The following EPHA7 variants were observed in gnomAD, a reference collection of about 807,000 sequenced individuals.
EPHA7 encodes the protein ephrin type-A receptor 7.
EPHA7 carries 25 observed loss-of-function variants against 112.6 expected under a neutral mutation model. The ratio of observed to expected loss-of-function variants is 0.22; its 90% CI spans 0.16 to 0.31. The LOEUF (loss-of-function observed/expected upper bound fraction) is 0.31. Ranked by LOEUF, EPHA7 falls within the 10% of genes least tolerant of loss-of-function variation. EPHA7 has a pLI of 1.00. For synonymous variants in EPHA7, 437 were observed against 406.5 expected (o/e 1.07, Z -0.90); for missense variants, 962 against 1,212.6 (o/e 0.79, Z 3.07).
At chr6:93,321,254 G>A (rs1774056031) in intron 5 of EPHA7, among the ~76,000 whole-genome samples, 1 of 151,906 alleles carries the variant, frequency 6.6e-6, no homozygotes, top group Admixed American at 6.6e-5. Flanking sequence ...TATTTGCATT[G>A]TAACAAGCAC....
At chr6:93,393,438 T>A (rs1311720040) in intron 3 of EPHA7, among the ~76,000 whole-genome samples, 1 of 151,524 alleles carries the variant, frequency 6.6e-6, no homozygotes, top group Non-Finnish European at 1.5e-5. Context: ...GAAGTTTCCA[T>A]CCAAAAAAAA....
chr6:93,305,873 G>A (rs2127856483), intron 5 of EPHA7, among the ~76,000 whole-genome samples: 1 of 151,912 alleles, frequency 6.6e-6, no homozygotes, highest in African/African-American at 2.4e-5. Flanking sequence ...AGATATAATA[G>A]TATTTTATAT....
At chr6:93,293,083 A>G (rs1772466764) in intron 5 of EPHA7, among the ~76,000 whole-genome samples, 3 of 152,018 alleles carry the variant, frequency 2.0e-5, no homozygotes, top group Admixed American at 2.0e-4. Flanking sequence ...TAAGTTAAAG[A>G]TTTTTTAAAA....
chr6:93,266,455 T>C (rs1223986794), intron 7 of EPHA7, among the ~76,000 whole-genome samples: 1 of 151,726 alleles, frequency 6.6e-6, no homozygotes, highest in Non-Finnish European at 1.5e-5. Flanking sequence ...TTGTATATTG[T>C]CAGGGTCGTA....
intron 5 of EPHA7, among the ~76,000 whole-genome samples, chr6:93,282,414 G>A (rs1463795554): frequency 2.0e-5 from 3 of 152,174 alleles, no homozygotes; most frequent in Admixed American, 1.3e-4. Flanking sequence ...GATTACAACC[G>A]AAGTTTTAAA....
chr6:93,324,156 A>C (rs1223631126), intron 5 of EPHA7, among the ~76,000 whole-genome samples: 2 of 151,434 alleles, frequency 1.3e-5, no homozygotes, highest in Admixed American at 1.3e-4. Flanking sequence ...ATTACTGTTA[A>C]TGGATAGACT....
intron 3 of EPHA7, among the ~76,000 whole-genome samples, chr6:93,405,813 G>GTGTATATATATATATA (rs1357089640): frequency 2.7e-5 from 2 of 73,984 alleles, no homozygotes; most frequent in South Asian, 6.1e-4. Flanking sequence ...GTGTGTGTGT[G>GTGTATATATATATATA]TATATATATA....
chr6:93,291,031 C>T (rs1357318516), intron 5 of EPHA7, among the ~76,000 whole-genome samples: 1 of 152,134 alleles, frequency 6.6e-6, no homozygotes, highest in African/African-American at 2.4e-5. Flanking sequence ...ATTTGCAAAT[C>T]ACTGACCAAG....
chr6:93,293,195 TATTC>T (rs1169689343), intron 5 of EPHA7, among the ~76,000 whole-genome samples: 1 of 151,660 alleles, frequency 6.6e-6, no homozygotes, highest in African/African-American at 2.4e-5. Context: ...AATTTTTTGT[TATTC>T]ATAATTTAGT....
At chr6:93,300,069 CCT>C (rs1289147712) in intron 5 of EPHA7, among the ~76,000 whole-genome samples, 1 of 152,016 alleles carries the variant, frequency 6.6e-6, no homozygotes, top group Admixed American at 6.6e-5. Flanking sequence ...ACAACAAACC[CCT>C]GTCACACACG....
intron 5 of EPHA7, among the ~76,000 whole-genome samples, chr6:93,325,868 A>G (rs889824195): frequency 1.3e-5 from 2 of 151,408 alleles, no homozygotes; most frequent in Admixed American, 1.3e-4. Context: ...GCCAAGAAAA[A>G]TGGTTATCAT....
At chr6:93,311,325 C>T (rs1481597743) in intron 5 of EPHA7, among the ~76,000 whole-genome samples, 10 of 151,906 alleles carry the variant, frequency 6.6e-5, no homozygotes, top group African/African-American at 2.4e-4. Flanking sequence ...CTTCTCAAAC[C>T]TTGCCACTGC....
intron 3 of EPHA7, among the ~76,000 whole-genome samples, chr6:93,377,964 C>T (rs1366220891): frequency 3.3e-5 from 5 of 152,034 alleles, no homozygotes; most frequent in African/African-American, 9.7e-5. Flanking sequence ...CCCTCATAGA[C>T]CTCTCAGTTT....
Position 93,410,950 on chromosome 6 carries a change from T to C in EPHA7, c.383A>G (p.Tyr128Cys). 6.2e-7 allele frequency: 1 copy of C among 1,614,052 alleles called. No homozygotes were observed. Among genetic ancestry groups the C allele is most frequent in the South Asian group, 1.1e-5 (1 of 91,078 alleles). ...TCKETFNLYY[Y>C]ETDYDTGRNI... Reference sequence around the variant, plus strand: ...CCTGCCAGTGTCATAGTCTGTTTCATAATAGTACAAATTAAATGTTTCCTT... The same window carrying C: ...CCTGCCAGTGTCATAGTCTGTTTCACAATAGTACAAATTAAATGTTTCCTT... Residue 128 changes from tyrosine (Y) to cysteine (C), a missense_variant, in exon 3 of 17, where the codon TAT becomes TGT. Physicochemically the swap from Tyr to Cys is radical, Grantham distance 194. Coordinates refer to ENST00000369303, the MANE Select transcript of EPHA7 (RefSeq NM_004440.4). This position sits in a 1 kb window ranked among gnomAD's most constrained non-coding sequence, Gnocchi z 4.0.
intron 1 of EPHA7, among the ~76,000 whole-genome samples, chr6:93,415,107 A>C (rs551276849): frequency 6.6e-6 from 1 of 152,150 alleles, no homozygotes; most frequent in East Asian, 1.9e-4. Flanking sequence ...GAGCTGTTCA[A>C]ATTTGTCAAA....
chr6:93,305,149 G>A (rs556244122), intron 5 of EPHA7, among the ~76,000 whole-genome samples: 1 of 150,654 alleles, frequency 6.6e-6, no homozygotes, highest in Non-Finnish European at 1.5e-5. Flanking sequence ...ATTACTTCCT[G>A]GTACAAAATA....
At chr6:93,398,352 C>T (rs971131225) in intron 3 of EPHA7, among the ~76,000 whole-genome samples, 1 of 151,908 alleles carries the variant, frequency 6.6e-6, no homozygotes, top group Non-Finnish European at 1.5e-5. Flanking sequence ...AAGTCACCGT[C>T]CAAATGTTAC....
In EPHA7 at chr6:93,387,924, C is replaced by CAGACAGATAGAT. The variant is rs1310430859; in HGVS notation, c.832+22576_832+22577insATCTATCTGTCT. On this transcript the variant is annotated intron_variant, in intron 3 of 16. Transcript: ENST00000369303. ...AGCCAGACCATCTTAGATAGATAGACAGATAGATAGATAGATAGATAGATA... is the reference window on the plus strand; with the variant it reads ...AGCCAGACCATCTTAGATAGATAGACAGACAGATAGATAGATAGATAGATAGATAGATAGATA... 6.3e-3 allele frequency among the ~76,000 whole-genome samples: 915 copies of CAGACAGATAGAT among 145,654 alleles called. 10 individuals are homozygous for CAGACAGATAGAT. The highest frequency in any genetic ancestry group is 0.013 in the African/African-American group (523 of 38,758).
intron 3 of EPHA7, among the ~76,000 whole-genome samples, chr6:93,398,951 A>G (rs1778309576): frequency 6.6e-6 from 1 of 152,132 alleles, no homozygotes; most frequent in Non-Finnish European, 1.5e-5. Context: ...CTCTTGAGCC[A>G]CGTGTTTTCC....
Sources: allele counts gnomAD v4.1 joint callset (sites outside exome capture counted in the v4.1 genomes callset), GRCh38; gene constraint gnomAD v4.1.1; non-coding constraint Gnocchi (gnomAD v3.1); transcripts MANE v1.5; gene names NCBI Gene and HGNC (gene_info 2026-07-23, HGNC 2026-07-21).